APBB2: variants seen among roughly 807,000 people sequenced by gnomAD.
APBB2 encodes Fe65-like 1.
A neutral mutation model predicts 82.5 loss-of-function variants in APBB2; 38 were observed. The ratio of observed to expected loss-of-function variants is 0.46; its 90% CI spans 0.36 to 0.60. APBB2 has a LOEUF of 0.60. Among genes scored for constraint, APBB2 ranks in the 20% least tolerant of loss-of-function variants. APBB2 has a pLI of 0.00. For missense variants in APBB2, 772 were observed against 972.3 expected (o/e 0.79, Z 2.74); for synonymous variants, 341 against 368.2 (o/e 0.93, Z 0.85).
At chr4:40,886,371 T>C (rs1244881293) in intron 12 of APBB2, among the ~76,000 whole-genome samples, 2 of 151,992 alleles carry the variant, frequency 1.3e-5, no homozygotes, top group Non-Finnish European at 1.5e-5. Flanking sequence ...TCCCAGCTAC[T>C]TGGGAGGCTG....
intron 12 of APBB2, among the ~76,000 whole-genome samples, chr4:40,846,597 G>A (rs1324026840): frequency 1.3e-5 from 2 of 152,264 alleles, no homozygotes; most frequent in Non-Finnish European, 2.9e-5. Flanking sequence ...AACCGTCTCT[G>A]ACCAAGTGTG....
chr4:40,970,979 C>A (rs1030578519), intron 6 of APBB2, among the ~76,000 whole-genome samples: 3 of 152,178 alleles, frequency 2.0e-5, no homozygotes, highest in African/African-American at 7.2e-5. Context: ...ACTAAACAGT[C>A]CCCTTCTGAC....
chr4:41,026,425 A>G lies in APBB2; in HGVS notation c.19+6811T>C, dbSNP rs7683150. ...GTATACTCACAGAGTTGTGCATCCAATAATACTATCTAATTCAAGAACATT... is the reference window on the plus strand; with the variant it reads ...GTATACTCACAGAGTTGTGCATCCAGTAATACTATCTAATTCAAGAACATT... On this transcript the variant is annotated intron_variant, in intron 5 of 17. Coordinates refer to ENST00000508593, the MANE Select transcript of APBB2 (RefSeq NM_004307.2). Among the ~76,000 whole-genome samples, 126 of 152,288 alleles carry G rather than the reference A, an allele frequency of 8.3e-4. 1 individual carries two copies. Among genetic ancestry groups the G allele is most frequent in the African/African-American group, 2.9e-3 (119 of 41,526 alleles).
At chr4:41,080,778 C>T (rs572666541) in intron 3 of APBB2, among the ~76,000 whole-genome samples, 1 of 149,896 alleles carries the variant, frequency 6.7e-6, no homozygotes. Flanking sequence ...TCTCTCCTCA[C>T]CGCAACCTCC....
chr4:41,056,431 G>A (rs992382804), intron 4 of APBB2, among the ~76,000 whole-genome samples: 1 of 152,108 alleles, frequency 6.6e-6, no homozygotes, highest in Admixed American at 6.5e-5. Context: ...CCAGACCATT[G>A]TGTCCTGTTG....
At chr4:40,925,532 G>A (rs1371583374) in intron 10 of APBB2, among the ~76,000 whole-genome samples, 8 of 152,004 alleles carry the variant, frequency 5.3e-5, no homozygotes, top group Admixed American at 4.6e-4. Context: ...TGCTCCTTTC[G>A]CACTTAGCAT....
chr4:41,165,119 T>C (rs937333879), intron 1 of APBB2, among the ~76,000 whole-genome samples: 6 of 152,202 alleles, frequency 3.9e-5, no homozygotes, highest in African/African-American at 1.4e-4. Context: ...ATTTGACCAT[T>C]TGAGATGTCC....
At chr4:41,196,028 C>T in intron 1 of APBB2, among the ~76,000 whole-genome samples, 1 of 151,648 alleles carries the variant, frequency 6.6e-6, no homozygotes, top group African/African-American at 2.4e-5. Context: ...GGTGTGGTGG[C>T]GGCGCCTGTA....
chr4:40,949,342 C>CA (rs886403370), intron 6 of APBB2, among the ~76,000 whole-genome samples: 57 of 152,216 alleles, frequency 3.7e-4, no homozygotes, highest in African/African-American at 1.2e-3. Context: ...TCTTTTCAAC[C>CA]ACAGCAGCAC....
intron 10 of APBB2, among the ~76,000 whole-genome samples, chr4:40,922,409 G>T (rs904485813): frequency 1.3e-5 from 2 of 152,192 alleles, no homozygotes; most frequent in Admixed American, 6.5e-5. Flanking sequence ...CACTCTTGGT[G>T]TCAGTTTAGA....
chr4:41,110,690 G>A (rs1187180902), intron 2 of APBB2, among the ~76,000 whole-genome samples: 4 of 151,732 alleles, frequency 2.6e-5, no homozygotes, highest in African/African-American at 9.7e-5. Context: ...AAATGGAGAA[G>A]AGAATATAGG....
intron 12 of APBB2, among the ~76,000 whole-genome samples, chr4:40,850,779 A>G (rs984903427): frequency 6.6e-6 from 1 of 152,128 alleles, no homozygotes; most frequent in Non-Finnish European, 1.5e-5. Flanking sequence ...TCAGCTCTAA[A>G]AAAAATTTTT....
Position 41,014,184 on chromosome 4 carries a change from GGCC to G in APBB2, c.231_233del (p.Ala78del). On this transcript the variant is annotated inframe_deletion, in exon 6 of 18. Transcript: ENST00000508593. ...GTGCAGCTGGATCCGAGAGGCCCAT[GGCC>G]GCCTGGATGTTAGTTAGTGCATATT... is the stretch of plus-strand genomic sequence containing the variant. The G allele has an allele frequency of 6.2e-7, 1 of 1,614,242 alleles. No individual in the cohort carries two copies. Among genetic ancestry groups the G allele is most frequent in the Admixed American group, 1.7e-5 (1 of 60,030 alleles).
At chr4:41,204,440 G>A (rs1014295758) in intron 1 of APBB2, among the ~76,000 whole-genome samples, 4 of 152,160 alleles carry the variant, frequency 2.6e-5, no homozygotes, top group African/African-American at 9.7e-5. Context: ...GCTCCATGCG[G>A]GAGCTAGAGT....
chr4:40,839,342 G>T (rs1755055568), intron 12 of APBB2, among the ~76,000 whole-genome samples: 1 of 151,946 alleles, frequency 6.6e-6, no homozygotes, highest in African/African-American at 2.4e-5. Flanking sequence ...AGAACAAGTT[G>T]ACCTTGTCAG....
At chr4:41,057,666 C>T (rs373236517) in intron 4 of APBB2, among the ~76,000 whole-genome samples, 25 of 152,294 alleles carry the variant, frequency 1.6e-4, no homozygotes, top group African/African-American at 5.5e-4. Flanking sequence ...GGAAGGTCAG[C>T]AGAGTTCACT....
At chr4:40,893,810 C>A (rs1428765928) in intron 10 of APBB2, among the ~76,000 whole-genome samples, 1 of 151,862 alleles carries the variant, frequency 6.6e-6, no homozygotes, top group Non-Finnish European at 1.5e-5. Context: ...CCCGTCTCTA[C>A]TAAAAATACA....
chr4:41,024,753 C>G (rs2154435048), intron 5 of APBB2, among the ~76,000 whole-genome samples: 1 of 152,314 alleles, frequency 6.6e-6, no homozygotes, highest in East Asian at 1.9e-4. Context: ...CTAAGCAGCA[C>G]AGTGAAGATT....
intron 10 of APBB2, among the ~76,000 whole-genome samples, chr4:40,926,039 A>G (rs930073788): frequency 6.6e-6 from 1 of 152,222 alleles, no homozygotes; most frequent in African/African-American, 2.4e-5. Flanking sequence ...TCCAGTGCCA[A>G]TAAAAAAAGT....
Sources: gnomAD v4.1 joint callset for allele counts (sites outside exome capture counted in the v4.1 genomes callset) on GRCh38, gnomAD v4.1.1 for gene constraint, MANE v1.5 for transcripts, NCBI Gene and HGNC (gene_info 2026-07-23, HGNC 2026-07-21) for gene names.